Variants in UNC5D observed in about 807,000 individuals in gnomAD.
UNC5D encodes the protein netrin receptor UNC5D.
In UNC5D, 39 loss-of-function variants were observed where a neutral mutation model predicts 105.4. The ratio of observed to expected loss-of-function variants is 0.37; its 90% CI spans 0.29 to 0.48. The LOEUF (loss-of-function observed/expected upper bound fraction) is 0.48, where lower values mean the gene tolerates loss of function less well. Ranked by LOEUF, UNC5D falls within the 20% of genes least tolerant of loss-of-function variation. The pLI is 0.98. For missense variants in UNC5D, 991 were observed against 1,202.4 expected (o/e 0.82, Z 2.60); for synonymous variants, 452 against 450.4 (o/e 1.00, Z -0.04).
chr8:35,386,051 CTTAAAA>C (rs1223134704), intron 1 of UNC5D, among the ~76,000 whole-genome samples: 4 of 152,144 alleles, frequency 2.6e-5, no homozygotes, highest in African/African-American at 7.2e-5. Flanking sequence ...GTTGTTCATA[CTTAAAA>C]TTTAAAGGAA....
chr8:35,624,457 T>C (rs890429146), intron 4 of UNC5D, among the ~76,000 whole-genome samples: 2 of 152,204 alleles, frequency 1.3e-5, no homozygotes, highest in Non-Finnish European at 1.5e-5. Flanking sequence ...TATTTTATAA[T>C]AGTCCCGTAT....
chr8:35,490,320 T>C (rs946985087), intron 1 of UNC5D, among the ~76,000 whole-genome samples: 2 of 152,144 alleles, frequency 1.3e-5, no homozygotes, highest in African/African-American at 4.8e-5. Context: ...CTGGGCAACA[T>C]AGCAAGACCC....
chr8:35,334,604 C>T (rs1403048230), intron 1 of UNC5D, among the ~76,000 whole-genome samples: 1 of 151,980 alleles, frequency 6.6e-6, no homozygotes, highest in Non-Finnish European at 1.5e-5. Flanking sequence ...CCTCCGTCTC[C>T]CAGATTCAAG....
intron 1 of UNC5D, among the ~76,000 whole-genome samples, chr8:35,493,304 A>AAC (rs1811334288): frequency 7.1e-6 from 1 of 140,572 alleles, no homozygotes; most frequent in Non-Finnish European, 1.5e-5. Flanking sequence ...AAAAAAAAAA[A>AAC]CACACCAAAA....
At chr8:35,551,923 ACT>A (rs1816179930) in intron 2 of UNC5D, among the ~76,000 whole-genome samples, 1 of 152,120 alleles carries the variant, frequency 6.6e-6, no homozygotes, top group African/African-American at 2.4e-5. Flanking sequence ...TGTAGGTAAA[ACT>A]CTATCAATAA....
chr8:35,651,866 G>A (rs947040292), intron 4 of UNC5D, among the ~76,000 whole-genome samples: 1 of 152,104 alleles, frequency 6.6e-6, no homozygotes, highest in Admixed American at 6.5e-5. Flanking sequence ...CTGTTTTGCT[G>A]TGTGACTAGA....
chr8:35,653,919 T>G (rs1586345614), intron 4 of UNC5D, among the ~76,000 whole-genome samples: 1 of 152,310 alleles, frequency 6.6e-6, no homozygotes, highest in Admixed American at 6.5e-5. Context: ...TTCCTATTCA[T>G]AAGACTTATT....
chr8:35,730,112 G>A (rs570889736), intron 10 of UNC5D, among the ~76,000 whole-genome samples: 1 of 152,154 alleles, frequency 6.6e-6, no homozygotes, highest in Non-Finnish European at 1.5e-5. Context: ...AGGTTGCCTT[G>A]AGATTTTATT....
Position 35,791,075 on chromosome 8 carries a change from AG to A in UNC5D, c.*514del. ...CATTTGTATGACTTCAACAACGTCAAGGAGGGCATTTAGAATTTAGAATCTG... is the reference window on the plus strand; with the variant it reads ...CATTTGTATGACTTCAACAACGTCAAGAGGGCATTTAGAATTTAGAATCTG... On this transcript the variant is annotated 3_prime_UTR_variant, in exon 17 of 17. Coordinates refer to ENST00000404895, the MANE Select transcript of UNC5D (RefSeq NM_080872.4). 1.1e-5 allele frequency: 2 copies of A among 181,044 alleles called. 1 individual carries two copies. The highest frequency in any genetic ancestry group is 2.6e-4 in the East Asian group (2 of 7,584). The allele number at this position is 181,044 out of a possible 1,614,324, so 11.2% of individuals were successfully genotyped here.
At chr8:35,775,894 A>T (rs1802224946) in intron 16 of UNC5D, among the ~76,000 whole-genome samples, 1 of 152,218 alleles carries the variant, frequency 6.6e-6, no homozygotes, top group Admixed American at 6.5e-5. Context: ...CAAGCCCGAA[A>T]AGAATAGACA....
At chr8:35,364,766 C>G (rs1240301961) in intron 1 of UNC5D, among the ~76,000 whole-genome samples, 1 of 152,120 alleles carries the variant, frequency 6.6e-6, no homozygotes, top group Non-Finnish European at 1.5e-5. Context: ...ATAACAAGAA[C>G]CTACCCCTTC....
rs760418816 is a variant in UNC5D, at chr8:35,549,451, A to T, written c.263A>T (p.Asn88Ile). The change falls in exon 2 of 17, where the codon AAC becomes ATC. Residue 88 changes from asparagine (N) to isoleucine (I), a missense_variant. This residue lies in a region of UNC5D where 944 missense variants were observed against 1,131.6 expected (regional missense o/e 0.83). Transcript: ENST00000404895. ...RPAMQIFFKC[N>I]GEWVHQNEHV... ...GCCATGCAGATATTCTTCAAATGCA[A>T]CGGCGAGTGGGTCCATCAGAACGAG... is the stretch of plus-strand genomic sequence containing the variant. The T allele has an allele frequency of 6.2e-7, 1 of 1,612,772 alleles. No homozygotes were observed. The highest frequency in any genetic ancestry group is 1.1e-5 in the South Asian group (1 of 91,018).
intron 4 of UNC5D, among the ~76,000 whole-genome samples, chr8:35,664,689 T>C (rs962493164): frequency 6.6e-6 from 1 of 152,094 alleles, no homozygotes; most frequent in Non-Finnish European, 1.5e-5. Context: ...TAATGATTGG[T>C]TCTTAAAAGT....
chr8:35,750,926 G>T lies in UNC5D; in HGVS notation c.2163+117G>T, dbSNP rs575492780. 5.2e-4 allele frequency: 637 copies of T among 1,215,646 alleles called. 2 individuals are homozygous for T. In the African/African-American group the frequency reaches 8.2e-3, roughly 16 times the overall value. 75.3% of individuals were successfully genotyped at this position (1,215,646 alleles called of 1,614,324 possible). A position where few individuals can be genotyped will look rare whatever the true frequency, so the allele number is the denominator to read the frequency against. On this transcript the variant is annotated intron_variant, in intron 13 of 16. Coordinates refer to ENST00000404895, the MANE Select transcript of UNC5D (RefSeq NM_080872.4). ...GTCTAGAAAATGAACCCACGCCACT[G>T]TAACTGCCCAGTGGGTTCACCTTGC...
At chr8:35,615,046 C>A (rs1278017141) in intron 4 of UNC5D, among the ~76,000 whole-genome samples, 1 of 123,392 alleles carries the variant, frequency 8.1e-6, no homozygotes, top group Admixed American at 7.9e-5. Context: ...GCCCCCCCCC[C>A]CCCGTCCCCC....
chr8:35,684,602 T>C lies in UNC5D; in HGVS notation c.772T>C (p.Trp258Arg). 1 of 1,612,766 alleles carries C rather than the reference T, an allele frequency of 6.2e-7. No individual in the cohort carries two copies. The highest frequency in any genetic ancestry group is 8.5e-7 in the Non-Finnish European group (1 of 1,179,740). ...VVYVNGGWSS[W>R]TEWSACNVRC... Reference sequence around the variant, plus strand: ...CTCAGTGAATGGAGGCTGGTCTTCCTGGACAGAGTGGTCAGCCTGCAATGT... The same window carrying C: ...CTCAGTGAATGGAGGCTGGTCTTCCCGGACAGAGTGGTCAGCCTGCAATGT... Residue 258 changes from tryptophan to arginine, a missense_variant, in exon 6 of 17, where the codon TGG (tryptophan) becomes CGG (arginine). By Grantham distance (101) the Trp-to-Arg change is moderately radical. Transcript: ENST00000404895.
At chr8:35,731,988 T>C (rs1829219610) in intron 11 of UNC5D, among the ~76,000 whole-genome samples, 1 of 152,202 alleles carries the variant, frequency 6.6e-6, no homozygotes, top group Admixed American at 6.5e-5. Flanking sequence ...AGTGCAAGTA[T>C]AATATTTTTG....
chr8:35,580,425 CA>C (rs1456488254), intron 3 of UNC5D, among the ~76,000 whole-genome samples: 2 of 151,528 alleles, frequency 1.3e-5, no homozygotes, highest in Non-Finnish European at 2.9e-5. Context: ...CCTCAGCTCT[CA>C]AATTGCTGAT....
chr8:35,617,608 C>A (rs1821108546), intron 4 of UNC5D, among the ~76,000 whole-genome samples: 1 of 152,152 alleles, frequency 6.6e-6, no homozygotes, highest in Non-Finnish European at 1.5e-5. Flanking sequence ...GAATGAGTGA[C>A]TTATTGAAAC....
Sources: allele counts gnomAD v4.1 joint callset (sites outside exome capture counted in the v4.1 genomes callset), GRCh38; gene constraint gnomAD v4.1.1; regional missense constraint gnomAD v4.1.1; transcripts MANE v1.5; gene names NCBI Gene and HGNC (gene_info 2026-07-23, HGNC 2026-07-21).